CHFR: variants seen among roughly 807,000 people sequenced by gnomAD.
The protein encoded by CHFR is checkpoint with forkhead and ring finger domains.
A neutral mutation model predicts 87.6 loss-of-function variants in CHFR; 57 were observed. The observed-to-expected ratio is 0.65, with a 90% CI of 0.53 to 0.81. The LOEUF (loss-of-function observed/expected upper bound fraction) is 0.81. CHFR is among the 30% of genes least tolerant of loss of function. The pLI is 0.00. For missense variants in CHFR, 797 were observed against 865.8 expected (o/e 0.92, Z 1.00); for synonymous variants, 381 against 359.2 (o/e 1.06, Z -0.69).
intron 14 of CHFR, 124 bp from the exon 15 acceptor site, chr12:132,847,254 T>C: frequency 6.9e-7 from 1 of 1,459,564 alleles, no homozygotes; most frequent in Non-Finnish European, 9.1e-7. Flanking sequence ...CAGACCCTTA[T>C]AAGTGGCATT....
At chr12:132,876,795 T>G (rs898567081) in intron 3 of CHFR, among the ~76,000 whole-genome samples, 1 of 152,136 alleles carries the variant, frequency 6.6e-6, no homozygotes, top group African/African-American at 2.4e-5. Context: ...GATAATAAAC[T>G]TTTGTTTCGT....
At chr12:132,883,480 C>T (rs944226197) in intron 2 of CHFR, among the ~76,000 whole-genome samples, 12 of 151,176 alleles carry the variant, frequency 7.9e-5, no homozygotes, top group East Asian at 1.9e-4. Flanking sequence ...AATCCCAGCA[C>T]TTTGGGAGGC....
At chr12:132,883,127 C>G (rs1216076350) in intron 2 of CHFR, 3 of 152,162 alleles carry the variant, frequency 2.0e-5, no homozygotes, top group Non-Finnish European at 4.4e-5. Flanking sequence ...CTGCCACTCT[C>G]TTAGAATAAA....
intron 17 of CHFR, 64 bp downstream of exon 17, chr12:132,842,947 A>G: frequency 3.7e-6 from 5 of 1,359,590 alleles, no homozygotes; most frequent in African/African-American, 1.4e-5. Flanking sequence ...CAGCCTATTT[A>G]TAAGCAGGCA....
rs3741490 is a variant in CHFR, at chr12:132,841,322, C to A, written c.*232G>T. On this transcript the variant is annotated 3_prime_UTR_variant, in exon 18 of 18. Transcript: ENST00000450056. ...TTCGTCTCTGCTGCTGATGCCACCA[C>A]GAGCCCTGCCCAGCGCTCACCAGGA... is the stretch of plus-strand genomic sequence containing the variant. 3 of 479,410 alleles carry A rather than the reference C, an allele frequency of 6.3e-6. No individual in the cohort carries two copies. Among genetic ancestry groups the A allele is most frequent in the South Asian group, 3.4e-5 (1 of 29,248 alleles). 29.7% of individuals were successfully genotyped at this position (479,410 alleles called of 1,614,324 possible).
In CHFR at chr12:132,853,931, C is replaced by T. The variant is rs552077610; in HGVS notation, c.1230-358G>A. 15 of 223,108 alleles carry T rather than the reference C, an allele frequency of 6.7e-5. No individual in the cohort carries two copies. The South Asian group carries it at 1.3e-3, about 20-fold the overall frequency. The allele number at this position is 223,108 out of a possible 1,614,324, so 13.8% of individuals were successfully genotyped here. A position where few individuals can be genotyped will look rare whatever the true frequency, so the allele number is the denominator to read the frequency against. ...GCTCCTCAGGACCCGCCTACTCTCC[C>T]GTTAAAAGCAGAGCGCGGTGGGCAA... is the stretch of plus-strand genomic sequence containing the variant. On this transcript the variant is annotated intron_variant, in intron 10 of 17. Coordinates refer to ENST00000450056, the MANE Select transcript of CHFR (RefSeq NM_001161346.2).
In CHFR at chr12:132,861,543, T is replaced by C; in HGVS notation, c.675A>G (p.Arg225=). 6.2e-7 allele frequency: 1 copy of C among 1,614,240 alleles called. No homozygotes were observed. Residue 225 remains arginine, a synonymous_variant, in exon 7 of 18, where the codon AGA becomes AGG. Coordinates refer to ENST00000450056, the MANE Select transcript of CHFR (RefSeq NM_001161346.2). Reference sequence around the variant, plus strand: ...CCAACGACGAAAAGGACGCAGTCTTTCTGTCTGGGAGAGCTGAGGCAAAGC... The same window carrying C: ...CCAACGACGAAAAGGACGCAGTCTTCCTGTCTGGGAGAGCTGAGGCAAAGC... ...VSSFASALPD[R]KTASFSSLEP... is the part of the protein sequence containing the mutation.
At chr12:132,874,821 C>T (rs1161808390) in intron 3 of CHFR, among the ~76,000 whole-genome samples, 1 of 147,716 alleles carries the variant, frequency 6.8e-6, no homozygotes, top group Non-Finnish European at 1.5e-5. Context: ...CTGGAACAGG[C>T]GGGACTGCCC....
chr12:132,884,435 T>C (rs1035020855), intron 2 of CHFR, among the ~76,000 whole-genome samples: 1 of 150,576 alleles, frequency 6.6e-6, no homozygotes, highest in African/African-American at 2.4e-5. Context: ...AATACATATA[T>C]ATATATAAAA....
chr12:132,864,717 G>A (rs540522996), intron 6 of CHFR, among the ~76,000 whole-genome samples: 107 of 152,258 alleles, frequency 7.0e-4, no homozygotes, highest in Admixed American at 1.2e-3. Context: ...TTGAACTCCC[G>A]ACCTCAGGCG....
intron 17 of CHFR, 100 bp downstream of exon 17, chr12:132,842,911 A>G (rs1395966057): frequency 9.1e-6 from 9 of 987,538 alleles, no homozygotes; most frequent in Non-Finnish European, 1.3e-5. Context: ...AAAGGATGCA[A>G]CCTGAGAGAA....
rs725067 is a variant in CHFR at position 132,834,532 on chromosome 12, T to C, written c.*7022A>G. 30,878 of 152,164 alleles carry C rather than the reference T, an allele frequency of 0.2. 4,081 individuals are homozygous for C. The highest frequency in any genetic ancestry group is 0.3 in the Non-Finnish European group (20,582 of 67,990). The allele number at this position is 152,164 out of a possible 1,614,324, so 9.4% of individuals were successfully genotyped here. A position where few individuals can be genotyped will look rare whatever the true frequency, so the allele number is the denominator to read the frequency against. On this transcript the variant is annotated 3_prime_UTR_variant, in exon 18 of 18. Coordinates refer to ENST00000450056, the MANE Select transcript of CHFR (RefSeq NM_001161346.2). ...AGTTCTGGAGCTCGGAAGTCCAAAA[T>C]GAAGGGGCAGGCAGGGCTGGTTCCT...
At chr12:132,845,224 G>A (rs1950792434) in intron 15 of CHFR, among the ~76,000 whole-genome samples, 1 of 151,972 alleles carries the variant, frequency 6.6e-6, no homozygotes, top group Non-Finnish European at 1.5e-5. Flanking sequence ...GGGAGGCCGA[G>A]GCAGGCGGAT....
At chr12:132,870,531 C>CA (rs376516972) in intron 5 of CHFR, among the ~76,000 whole-genome samples, 193 bp downstream of exon 5, 10,352 of 90,940 alleles carry the variant, frequency 0.11, 623 homozygotes, top group East Asian at 0.17. Context: ...AACTCCGTCT[C>CA]AAAAAAAAAA....
In CHFR at chr12:132,840,477, G is replaced by T. The variant is rs1226033314; in HGVS notation, c.*1077C>A. On this transcript the variant is annotated 3_prime_UTR_variant, in exon 18 of 18. Coordinates refer to ENST00000450056, the MANE Select transcript of CHFR (RefSeq NM_001161346.2). ...CAGTTGAAAACTGTATTCCTGAGAA[G>T]AAGCAAAAAAGTTATCAGTTTACAA... 1 of 152,646 alleles carries T rather than the reference G, an allele frequency of 6.6e-6. No individual in the cohort carries two copies. Among genetic ancestry groups the T allele is most frequent in the Non-Finnish European group, 1.5e-5 (1 of 68,034 alleles). The allele number at this position is 152,646 out of a possible 1,614,324, so 9.5% of individuals were successfully genotyped here.
chr12:132,843,188 C>T, intron 16 of CHFR, 105 bp from the exon 17 acceptor site: 1 of 983,940 alleles, frequency 1.0e-6, no homozygotes, highest in African/African-American at 1.6e-5. Context: ...GGTGGAAACG[C>T]ACGGCCTCTG....
At position 132,857,508 on chromosome 12, in the gene CHFR, C is replaced by T. The variant is rs553735979; in HGVS notation, c.963G>A (p.Met321Ile). Reference sequence around the variant, plus strand: ...AGGTAGGACACAGGGACGAGCGCTCCATCCAGCCCGAGTAGCAAGCCGCGC... The same window carrying T: ...AGGTAGGACACAGGGACGAGCGCTCTATCCAGCCCGAGTAGCAAGCCGCGC... ...TFCAACYSGW[M>I]ERSSLCPTCR... The change falls in exon 9 of 18, where the codon ATG becomes ATA. Residue 321 changes from methionine (M) to isoleucine (I), a missense_variant. Around this residue, in one of 2 missense-constraint regions of CHFR, gnomAD observed 597 missense variants for 601.2 expected, o/e 0.99. Transcript: ENST00000450056. The T allele has an allele frequency of 1.2e-6, 2 of 1,614,206 alleles. No homozygotes were observed. Among genetic ancestry groups the T allele is most frequent in the South Asian group, 2.2e-5 (2 of 91,086 alleles).
chr12:132,859,028 A>G, intron 8 of CHFR, 40 bp downstream of exon 8: 1 of 1,586,760 alleles, frequency 6.3e-7, no homozygotes. Context: ...AAGAACCTGC[A>G]GTGCCATGTT....
chr12:132,858,131 C>A (rs888941373), intron 8 of CHFR, among the ~76,000 whole-genome samples: 7 of 152,102 alleles, frequency 4.6e-5, no homozygotes, highest in African/African-American at 1.7e-4. Context: ...CCAAGGTGGG[C>A]AGATTACCTG....
Sources: allele counts gnomAD v4.1 joint callset (sites outside exome capture counted in the v4.1 genomes callset), GRCh38; gene constraint gnomAD v4.1.1; regional missense constraint gnomAD v4.1.1; transcripts MANE v1.5; gene names NCBI Gene and HGNC (gene_info 2026-07-23, HGNC 2026-07-21).